PRRG4: variants seen among roughly 807,000 people sequenced by gnomAD.
PRRG4 encodes the protein proline rich and Gla domain 4, also known as transmembrane gamma-carboxyglutamic acid protein 4.
PRRG4 carries 12 observed loss-of-function variants against 20.0 expected under a neutral mutation model. The observed-to-expected ratio is 0.60, with a 90% confidence interval of 0.38 to 0.97. The LOEUF is 0.97. Ranked by LOEUF, PRRG4 falls within the 50% of genes least tolerant of loss-of-function variation. The pLI is 0.00. For missense variants in PRRG4, 199 were observed against 265.1 expected, an observed-to-expected ratio of 0.75 and a Z score of 1.73; for synonymous variants, 94 against 96.4, an observed-to-expected ratio of 0.98 and a Z score of 0.15.
chr11:32,838,924 A>G lies in PRRG4; in HGVS notation c.310A>G (p.Lys104Glu). The G allele has an allele frequency of 6.2e-7, 1 of 1,605,626 alleles. No homozygotes were observed. The highest frequency in any genetic ancestry group is 1.1e-5 in the South Asian group (1 of 90,840). ...ATATTCAGCTAAAGGACCAACCACA[A>G]AATCAGGTAAAACAAGAATTGATCA... The part of the protein sequence containing the change: ...QEYSAKGPTT[K>E]SDGNREKIDV... Residue 104 changes from lysine (K) to glutamate (E), a missense_variant, in exon 4 of 6, where the codon AAA (lysine) becomes GAA (glutamate). Lys to Glu is a moderately conservative substitution (Grantham distance 56). Coordinates refer to ENST00000257836, the MANE Select transcript of PRRG4 (RefSeq NM_024081.6).
At chr11:32,849,950 T>C (rs542725939) in intron 5 of PRRG4, among the ~76,000 whole-genome samples, 2 of 152,358 alleles carry the variant, frequency 1.3e-5, no homozygotes, top group South Asian at 4.1e-4. Flanking sequence ...AGACCTCTAT[T>C]CATTTCCCCT....
chr11:32,845,367 T>G (rs1851118551), intron 5 of PRRG4, among the ~76,000 whole-genome samples: 1 of 152,182 alleles, frequency 6.6e-6, no homozygotes, highest in Non-Finnish European at 1.5e-5. Context: ...GGCTCACGTC[T>G]GTAATCCCAG....
intron 5 of PRRG4, among the ~76,000 whole-genome samples, chr11:32,843,149 A>C (rs758082663): frequency 1.3e-5 from 2 of 152,084 alleles, no homozygotes; most frequent in Non-Finnish European, 2.9e-5. Context: ...AGCCAGAAGA[A>C]AGTTTAAAGT....
chr11:32,837,541 G>GATGATTATTATTATT (rs1303509427), intron 3 of PRRG4, among the ~76,000 whole-genome samples: 2 of 95,870 alleles, frequency 2.1e-5, no homozygotes, highest in East Asian at 6.1e-4. Flanking sequence ...TGATGATGAT[G>GATGATTATTATTATT]ATTATTATTA....
At chr11:32,839,478 A>G (rs1318939484) in intron 4 of PRRG4, among the ~76,000 whole-genome samples, 2 of 152,012 alleles carry the variant, frequency 1.3e-5, no homozygotes, top group Non-Finnish European at 1.5e-5. Flanking sequence ...GAGTTGCTTA[A>G]TAAATATTAT....
chr11:32,843,468 C>T (rs560746803), intron 5 of PRRG4, among the ~76,000 whole-genome samples: 1 of 151,580 alleles, frequency 6.6e-6, no homozygotes, highest in South Asian at 2.1e-4. Context: ...GCGGTTTTTG[C>T]CATTTAAAGT....
chr11:32,838,710 G>A (rs1266963388), intron 3 of PRRG4, among the ~76,000 whole-genome samples, 172 bp from the exon 4 acceptor site: 1 of 152,168 alleles, frequency 6.6e-6, no homozygotes. Flanking sequence ...AGAGGCAGCT[G>A]TGGGTGGTAG....
At chr11:32,830,387 C>A in intron 1 of PRRG4, 121 bp from the exon 2 acceptor site, 1 of 936,484 alleles carries the variant, frequency 1.1e-6, no homozygotes, top group East Asian at 3.2e-5. Flanking sequence ...ACCGAAACCG[C>A]GCGCCGGGCG....
chr11:32,830,652 T>G lies in PRRG4; in HGVS notation c.103+20T>G. On this transcript the variant is annotated intron_variant, in intron 2 of 5. Coordinates refer to ENST00000257836, the MANE Select transcript of PRRG4 (RefSeq NM_024081.6). ...AAGAAGGTAAGCACTAAAACGTCCC[T>G]GGAACCCAGAGCCGCATAGCACAGA... is the stretch of plus-strand genomic sequence containing the variant. The G allele has an allele frequency of 1.9e-6, 3 of 1,613,852 alleles. No individual in the cohort carries two copies. The highest frequency in any genetic ancestry group is 1.7e-6 in the Non-Finnish European group (2 of 1,179,944).
chr11:32,849,761 G>A (rs1851164276), intron 5 of PRRG4, among the ~76,000 whole-genome samples: 1 of 152,230 alleles, frequency 6.6e-6, no homozygotes, highest in Admixed American at 6.5e-5. Flanking sequence ...GCAGAAAGAA[G>A]AGGAGCTGCC....
At chr11:32,839,692 T>TTATATTTTGAATATTATTAAAATATAAA (rs1565114584) in intron 4 of PRRG4, among the ~76,000 whole-genome samples, 20 of 114,712 alleles carry the variant, frequency 1.7e-4, no homozygotes, top group African/African-American at 2.6e-4. Context: ...AATATAAGTA[T>TTATATTTTGAATATTATTAAAATATAAA]TATATTTTGA....
At chr11:32,839,994 C>A in intron 4 of PRRG4, 113 bp from the exon 5 acceptor site, 1 of 655,352 alleles carries the variant, frequency 1.5e-6, no homozygotes, top group Non-Finnish European at 2.4e-6. Flanking sequence ...AAGAAGTCAA[C>A]ATCAATGATT....
chr11:32,849,405 C>T (rs1476194281), intron 5 of PRRG4, among the ~76,000 whole-genome samples: 1 of 152,042 alleles, frequency 6.6e-6, no homozygotes, highest in Non-Finnish European at 1.5e-5. Flanking sequence ...TGGCTCATGC[C>T]TGTAATCCCA....
chr11:32,841,263 G>T (rs937735973), intron 5 of PRRG4, among the ~76,000 whole-genome samples: 3 of 152,058 alleles, frequency 2.0e-5, no homozygotes, highest in Admixed American at 2.0e-4. Flanking sequence ...AGAATAGAAA[G>T]TATTCTTTAT....
In PRRG4 at chr11:32,840,801, A is replaced by T. The variant is rs1007851821; in HGVS notation, c.449+562A>T. 6.6e-6 allele frequency among the ~76,000 whole-genome samples: 1 copy of T among 152,266 alleles called. No individual in the cohort carries two copies. The highest frequency in any genetic ancestry group is 1.5e-5 in the Non-Finnish European group (1 of 68,048). On this transcript the variant is annotated intron_variant, in intron 5 of 5. Transcript: ENST00000257836. This position sits in a 1 kb window ranked among gnomAD's most constrained non-coding sequence, Gnocchi z 4.1. ...GCAAGAAGTCCTATAGTTTACGCTG[A>T]GTCACAGAGTTAACAGATCCACATG...
intron 5 of PRRG4, among the ~76,000 whole-genome samples, chr11:32,849,840 A>G (rs572821808): frequency 3.9e-5 from 6 of 152,328 alleles, no homozygotes; most frequent in African/African-American, 7.2e-5. Context: ...AAGTTCCCCA[A>G]TGCATTATGT....
rs1462375341 is a variant in PRRG4, at chr11:32,851,145, G to A, written c.450-2151G>A. On this transcript the variant is annotated intron_variant, in intron 5 of 5. Coordinates refer to ENST00000257836, the MANE Select transcript of PRRG4 (RefSeq NM_024081.6). ...CATTTCTTAGTTCCTATATTTTGTG[G>A]AGGAAAACAGGCATCATAGGATGTT... is the stretch of plus-strand genomic sequence containing the variant. 2.0e-5 allele frequency among the ~76,000 whole-genome samples: 3 copies of A among 152,084 alleles called. No individual in the cohort carries two copies. The East Asian group carries it at 5.8e-4, about 29-fold the overall frequency.
intron 5 of PRRG4, among the ~76,000 whole-genome samples, chr11:32,843,455 A>C (rs997229375): frequency 6.6e-6 from 1 of 151,708 alleles, no homozygotes; most frequent in Non-Finnish European, 1.5e-5. Flanking sequence ...TGCAAAAGCA[A>C]TTGCGGTTTT....
rs558360736 is a variant in PRRG4, at chr11:32,850,240, T to G, written c.450-3056T>G. On this transcript the variant is annotated intron_variant, in intron 5 of 5. Coordinates refer to ENST00000257836, the MANE Select transcript of PRRG4 (RefSeq NM_024081.6). Reference sequence around the variant, plus strand: ...CTTACACTTTCTTCTCTCCCCTGCTTTTCTTCATTTTCCAACTTTTCTGCG... The same window carrying G: ...CTTACACTTTCTTCTCTCCCCTGCTGTTCTTCATTTTCCAACTTTTCTGCG... Among the ~76,000 whole-genome samples, 463 of 152,300 alleles carry G rather than the reference T, an allele frequency of 3.0e-3. 1 individual carries two copies. The highest frequency in any genetic ancestry group is 5.2e-3 in the Non-Finnish European group (353 of 68,010).
Sources: gnomAD v4.1 joint callset for allele counts (sites outside exome capture counted in the v4.1 genomes callset) on GRCh38, gnomAD v4.1.1 for gene constraint, Gnocchi (gnomAD v3.1) non-coding constraint, MANE v1.5 for transcripts, NCBI Gene and HGNC (gene_info 2026-07-23, HGNC 2026-07-21) for gene names.